PCDHGB4: variants seen among roughly 807,000 people sequenced by gnomAD.
The protein encoded by PCDHGB4 is protocadherin gamma-B4.
Under a neutral mutation model 60.5 loss-of-function variants are expected in PCDHGB4, and 38 were observed. The ratio of observed to expected loss-of-function variants is 0.63; its 90% CI spans 0.48 to 0.82. The LOEUF (loss-of-function observed/expected upper bound fraction) is 0.82, where lower values mean the gene tolerates loss of function less well. Among genes scored for constraint, PCDHGB4 ranks in the 40% least tolerant of loss-of-function variants. PCDHGB4 has a pLI of 0.00. For missense variants in PCDHGB4, 1,109 were observed against 1,209.6 expected (o/e 0.92, Z 1.23); for synonymous variants, 456 against 509.7 (o/e 0.89, Z 1.42).
At chr5:141,430,910 G>T in intron 1 of PCDHGB4, 2 of 1,608,040 alleles carry the variant, frequency 1.2e-6, no homozygotes, top group Middle Eastern at 1.7e-4. Context: ...CATCTCCAGG[G>T]ACCTGGGGCT....
At position 141,457,403 on chromosome 5, in the gene PCDHGB4, C is replaced by A. The variant is rs550748216; in HGVS notation, c.2398-37404C>A. On this transcript the variant is annotated intron_variant, in intron 1 of 3. Transcript: ENST00000519479. ...GAACTAGCATATTGATTCACATTTT[C>A]ACATTACCCATCCCTTTTTCCCCCC... Among the ~76,000 whole-genome samples, 4 of 152,328 alleles carry A rather than the reference C, an allele frequency of 2.6e-5. No homozygotes were observed. In the East Asian group the frequency reaches 7.7e-4, roughly 29 times the overall value.
In PCDHGB4 at chr5:141,395,547, TGTGTGTGTGTGTGTG is replaced by T. The variant is rs2093269943; in HGVS notation, c.2397+5267_2397+5281del. On this transcript the variant is annotated intron_variant, in intron 1 of 3. Coordinates refer to ENST00000519479, the MANE Select transcript of PCDHGB4 (RefSeq NM_003736.4). ...ACTGGTAATTTTGCTATTGTTTGTG[TGTGTGTGTGTGTGTG>T]TGTGTGTGTGTGTGTGTGTGTGTGT... 2.2e-3 allele frequency: 375 copies of T among 174,268 alleles called. 18 individuals carry two copies. The highest frequency in any genetic ancestry group is 5.2e-3 in the East Asian group (33 of 6,366). 10.8% of individuals were successfully genotyped at this position (174,268 alleles called of 1,614,324 possible). A position where few individuals can be genotyped will look rare whatever the true frequency, so the allele number is the denominator to read the frequency against.
chr5:141,417,936 A>G (rs1266177574), intron 1 of PCDHGB4: 3 of 1,612,080 alleles, frequency 1.9e-6, no homozygotes, highest in Non-Finnish European at 1.7e-6. Flanking sequence ...CCTTTGTTCT[A>G]CCCCACGCTG....
In PCDHGB4 at chr5:141,388,453, A is replaced by G. The variant is rs556619446; in HGVS notation, c.569A>G (p.Lys190Arg). The change falls in exon 1 of 4, where the codon AAA becomes AGA. Residue 190 changes from lysine (K) to arginine (R), a missense_variant. Lys to Arg is a conservative substitution (Grantham distance 26). Coordinates refer to ENST00000519479, the MANE Select transcript of PCDHGB4 (RefSeq NM_003736.4). ...LINKEKSDGS[K>R]YPEMVLKTPL... ...AATAAAGAGAAATCAGATGGCAGTAAATACCCTGAGATGGTATTGAAGACA... is the reference window on the plus strand; with the variant it reads ...AATAAAGAGAAATCAGATGGCAGTAGATACCCTGAGATGGTATTGAAGACA... 6.2e-7 allele frequency: 1 copy of G among 1,613,846 alleles called. No individual in the cohort carries two copies. Among genetic ancestry groups the G allele is most frequent in the East Asian group, 2.2e-5 (1 of 44,888 alleles).
At chr5:141,440,579 C>G (rs1004258822) in intron 1 of PCDHGB4, 12 of 152,188 alleles carry the variant, frequency 7.9e-5, no homozygotes, top group African/African-American at 2.7e-4. Flanking sequence ...TGAGTTTACC[C>G]AGCTGGAACA....
chr5:141,413,461 C>G (rs1294898087), intron 1 of PCDHGB4: 11 of 1,614,082 alleles, frequency 6.8e-6, no homozygotes, highest in Non-Finnish European at 7.6e-6. Flanking sequence ...CAGGATAGAC[C>G]GGGAGGAGCT....
At chr5:141,455,449 G>A (rs1421095381) in intron 1 of PCDHGB4, among the ~76,000 whole-genome samples, 1 of 152,126 alleles carries the variant, frequency 6.6e-6, no homozygotes, top group Non-Finnish European at 1.5e-5. Flanking sequence ...CATCTACCGC[G>A]GATACCAGCC....
At chr5:141,439,151 C>T (rs563575567) in intron 1 of PCDHGB4, among the ~76,000 whole-genome samples, 1 of 150,892 alleles carries the variant, frequency 6.6e-6, no homozygotes, top group Admixed American at 6.6e-5. Context: ...TGAGATCACG[C>T]CACTGCACTC....
chr5:141,418,372 A>T (rs771262387), intron 1 of PCDHGB4: 25 of 1,613,968 alleles, frequency 1.5e-5, no homozygotes, highest in Non-Finnish European at 2.1e-5. Flanking sequence ...GCAAATACCA[A>T]CTAAGTCCTA....
Position 141,491,300 on chromosome 5 carries a change from G to A in PCDHGB4, c.2398-3507G>A, listed in dbSNP as rs2099710472. On this transcript the variant is annotated intron_variant, in intron 1 of 3. Coordinates refer to ENST00000519479, the MANE Select transcript of PCDHGB4 (RefSeq NM_003736.4). This position sits in a 1 kb window ranked among gnomAD's most constrained non-coding sequence, Gnocchi z 6.9. ...GACTTCCTCATACACCCTCCTGAGC[G>A]TTCAGACCTTACCCTTTACCTCATT... 1 of 1,614,136 alleles carries A rather than the reference G, an allele frequency of 6.2e-7. No homozygotes were observed. The highest frequency in any genetic ancestry group is 1.1e-5 in the South Asian group (1 of 91,086).
rs2099746867 is a variant in PCDHGB4, at chr5:141,493,199, C to T, written c.2398-1608C>T. Among the ~76,000 whole-genome samples the T allele has an allele frequency of 6.6e-6, 1 of 152,168 alleles. No individual in the cohort carries two copies. Among genetic ancestry groups the T allele is most frequent in the Non-Finnish European group, 1.5e-5 (1 of 68,020 alleles). ...CTTACTATATAACTCCTTTGAGAAC[C>T]TCATCTCATTTGCTCTTCCCACCAT... On this transcript the variant is annotated intron_variant, in intron 1 of 3. Coordinates refer to ENST00000519479, the MANE Select transcript of PCDHGB4 (RefSeq NM_003736.4). This position sits in a 1 kb window ranked among gnomAD's most constrained non-coding sequence, Gnocchi z 4.3.
chr5:141,466,121 C>CA (rs908379481), intron 1 of PCDHGB4, among the ~76,000 whole-genome samples: 24 of 146,876 alleles, frequency 1.6e-4, no homozygotes, highest in East Asian at 8.0e-4. Context: ...GACTCCAGCT[C>CA]AAAAAAAAAA....
At chr5:141,436,707 T>C (rs985035872) in intron 1 of PCDHGB4, among the ~76,000 whole-genome samples, 18 of 152,208 alleles carry the variant, frequency 1.2e-4, no homozygotes, top group African/African-American at 4.3e-4. Context: ...GCACACTCGA[T>C]GTTCTGTTGG....
intron 2 of PCDHGB4, among the ~76,000 whole-genome samples, chr5:141,500,894 C>CAG (rs10656935): frequency 0.58 from 88,074 of 150,994 alleles, 27,125 homozygotes; most frequent in African/African-American, 0.78. Flanking sequence ...TTTTTTGAGA[C>CAG]AGTCTCGCTC....
At chr5:141,496,888 T>TAA (rs35063790) in intron 2 of PCDHGB4, among the ~76,000 whole-genome samples, 141 of 134,106 alleles carry the variant, frequency 1.1e-3, no homozygotes, top group East Asian at 2.4e-3. Context: ...AAGTAACACT[T>TAA]AAAAAAAAAA....
chr5:141,496,663 G>A (rs2099770279), intron 2 of PCDHGB4, among the ~76,000 whole-genome samples: 1 of 152,196 alleles, frequency 6.6e-6, no homozygotes, highest in Admixed American at 6.5e-5. Context: ...GACCCCAGCT[G>A]TTGTCCTTCT....
At chr5:141,398,829 C>A in intron 1 of PCDHGB4, 2 of 1,613,994 alleles carry the variant, frequency 1.2e-6, no homozygotes, top group East Asian at 2.2e-5. Flanking sequence ...AGGTAACCGA[C>A]GCCAATGATA....
At chr5:141,446,873 A>T (rs1324695415) in intron 1 of PCDHGB4, among the ~76,000 whole-genome samples, 1 of 152,132 alleles carries the variant, frequency 6.6e-6, no homozygotes, top group African/African-American at 2.4e-5. Flanking sequence ...CTACACTGGT[A>T]TGTTTTGGGG....
At chr5:141,430,818 T>G (rs1240970813) in intron 1 of PCDHGB4, 2 of 1,540,582 alleles carry the variant, frequency 1.3e-6, no homozygotes, top group Non-Finnish European at 1.7e-6. Flanking sequence ...GGAATCCTCC[T>G]GGGGACTCTG....
Sources: allele counts gnomAD v4.1 joint callset (sites outside exome capture counted in the v4.1 genomes callset), GRCh38; gene constraint gnomAD v4.1.1; non-coding constraint Gnocchi (gnomAD v3.1); transcripts MANE v1.5; gene names NCBI Gene and HGNC (gene_info 2026-07-23, HGNC 2026-07-21).